The following MFHAS1 variants were observed in gnomAD, a reference collection of about 807,000 sequenced individuals.
The protein encoded by MFHAS1 is multifunctional ROCO family signaling regulator 1, also known as malignant fibrous histiocytoma-amplified sequence 1.
Under a neutral mutation model 70.4 loss-of-function variants are expected in MFHAS1, and 50 were observed. The ratio of observed to expected loss-of-function variants is 0.71; its 90% CI spans 0.57 to 0.90. MFHAS1 has a LOEUF of 0.90. Ranked by LOEUF, MFHAS1 falls within the 40% of genes least tolerant of loss-of-function variation. The pLI, the probability that MFHAS1 is intolerant of heterozygous loss-of-function variation, is 0.00. For missense variants in MFHAS1, 1,795 were observed against 1,347.6 expected (o/e 1.33, Z -5.20); for synonymous variants, 952 against 620.0 (o/e 1.54, Z -7.96).
chr8:8,850,743 T>A (rs1172267601), intron 1 of MFHAS1, among the ~76,000 whole-genome samples: 1 of 147,830 alleles, frequency 6.8e-6, no homozygotes, highest in Non-Finnish European at 1.5e-5. Flanking sequence ...GAGAATCGCT[T>A]GAATCCAGGA....
At chr8:8,833,320 T>A (rs1050688722) in intron 1 of MFHAS1, among the ~76,000 whole-genome samples, 14 of 152,154 alleles carry the variant, frequency 9.2e-5, no homozygotes, top group South Asian at 8.3e-4. Context: ...CTGGAAAAAT[T>A]TGGCAGCTTC....
At chr8:8,808,681 G>C (rs1003911358) in intron 1 of MFHAS1, among the ~76,000 whole-genome samples, 1 of 152,212 alleles carries the variant, frequency 6.6e-6, no homozygotes, top group African/African-American at 2.4e-5. Context: ...AAAAGGTATG[G>C]TTACAGCACC....
intron 1 of MFHAS1, among the ~76,000 whole-genome samples, chr8:8,809,293 C>T (rs1806456682): frequency 6.6e-6 from 1 of 152,060 alleles, no homozygotes; most frequent in South Asian, 2.1e-4. Context: ...ATCATGAAAC[C>T]ATCCCACCAA....
At chr8:8,883,707 C>CAAAAAAAAAAAAAA (rs35799658) in intron 1 of MFHAS1, among the ~76,000 whole-genome samples, 6 of 29,588 alleles carry the variant, frequency 2.0e-4, no homozygotes, top group African/African-American at 4.3e-4. Flanking sequence ...GACTCAGTCT[C>CAAAAAAAAAAAAAA]AAAAAAAAAA....
Position 8,784,135 on chromosome 8 carries a change from C to T in MFHAS1, c.*1887G>A, listed in dbSNP as rs1398588639. ...GGTCCCCGGGGAGTTAGCCCAAAATCATACAAATAAGCCTTTTTCTAAAGA... is the reference window on the plus strand; with the variant it reads ...GGTCCCCGGGGAGTTAGCCCAAAATTATACAAATAAGCCTTTTTCTAAAGA... On this transcript the variant is annotated 3_prime_UTR_variant, in exon 3 of 3. Transcript: ENST00000276282. 6.6e-6 allele frequency: 1 copy of T among 152,100 alleles called. No individual in the cohort carries two copies. The highest frequency in any genetic ancestry group is 6.5e-5 in the Admixed American group (1 of 15,272). The allele number at this position is 152,100 out of a possible 1,614,324, so 9.4% of individuals were successfully genotyped here. A position where few individuals can be genotyped will look rare whatever the true frequency, so the allele number is the denominator to read the frequency against.
chr8:8,803,687 G>A (rs1251901186), intron 1 of MFHAS1, among the ~76,000 whole-genome samples: 2 of 151,672 alleles, frequency 1.3e-5, no homozygotes, highest in Admixed American at 6.6e-5. Context: ...AAGTAAGGGA[G>A]GAGGCTGGGA....
At chr8:8,838,774 T>A (rs533594515) in intron 1 of MFHAS1, among the ~76,000 whole-genome samples, 31 of 148,058 alleles carry the variant, frequency 2.1e-4, no homozygotes, top group African/African-American at 7.2e-4. Flanking sequence ...ACTGCACCAC[T>A]GCACTCCAGA....
At chr8:8,810,434 C>T (rs1585027905) in intron 1 of MFHAS1, among the ~76,000 whole-genome samples, 1 of 152,182 alleles carries the variant, frequency 6.6e-6, no homozygotes, top group African/African-American at 2.4e-5. Flanking sequence ...CCATGCAGGT[C>T]CATTTACAGG....
chr8:8,783,433 A>G lies in MFHAS1; in HGVS notation c.*2589T>C, dbSNP rs1004768242. The G allele has an allele frequency of 2.6e-5, 4 of 152,220 alleles. No homozygotes were observed. The highest frequency in any genetic ancestry group is 9.6e-5 in the African/African-American group (4 of 41,468). The allele number at this position is 152,220 out of a possible 1,614,324, so 9.4% of individuals were successfully genotyped here. A position where few individuals can be genotyped will look rare whatever the true frequency, so the allele number is the denominator to read the frequency against. ...TACAACAACGAAATGGGAAACCACA[A>G]TTAAAATTCACAAACCATGGCATGA... On this transcript the variant is annotated 3_prime_UTR_variant, in exon 3 of 3. Transcript: ENST00000276282.
intron 2 of MFHAS1, among the ~76,000 whole-genome samples, chr8:8,788,754 C>T (rs1298917493): frequency 6.6e-6 from 1 of 152,228 alleles, no homozygotes; most frequent in Non-Finnish European, 1.5e-5. Flanking sequence ...TTACGGGAGG[C>T]TCCCCAGAGG....
chr8:8,785,850 C>A lies in MFHAS1; in HGVS notation c.*172G>T. On this transcript the variant is annotated 3_prime_UTR_variant, in exon 3 of 3. Coordinates refer to ENST00000276282, the MANE Select transcript of MFHAS1 (RefSeq NM_004225.3). ...TGTTCTCGTCCATGCTTCCCCCCAC[C>A]ACCCCCTCCCCACCTCTTCCCCAGT... is the stretch of plus-strand genomic sequence containing the variant. The A allele has an allele frequency of 2.2e-6, 1 of 455,730 alleles. No homozygotes were observed. The highest frequency in any genetic ancestry group is 1.9e-5 in the African/African-American group (1 of 51,374). The allele number at this position is 455,730 out of a possible 1,614,324, so 28.2% of individuals were successfully genotyped here.
At position 8,893,232 on chromosome 8, in the gene MFHAS1, C is replaced by T. The variant is rs556027176; in HGVS notation, c.-174G>A. 1,241 of 180,040 alleles carry T rather than the reference C, an allele frequency of 6.9e-3. 21 individuals carry two copies. The highest frequency in any genetic ancestry group is 0.028 in the African/African-American group (1,179 of 41,502). 11.2% of individuals were successfully genotyped at this position (180,040 alleles called of 1,614,324 possible). The stretch of plus-strand genomic sequence containing the variant: ...AGCGCTGGCGGCTAGGGGGCGGCGG[C>T]GACGCGAGCGGCTCCGGGGGACGCC... On this transcript the variant is annotated 5_prime_UTR_variant, in exon 1 of 3. Coordinates refer to ENST00000276282, the MANE Select transcript of MFHAS1 (RefSeq NM_004225.3).
intron 1 of MFHAS1, among the ~76,000 whole-genome samples, chr8:8,805,199 A>G (rs1381139449): frequency 1.3e-5 from 2 of 152,212 alleles, no homozygotes; most frequent in African/African-American, 2.4e-5. Context: ...ACCAGAATTT[A>G]GTCTCTTCCC....
At chr8:8,813,710 TA>T (rs1310274539) in intron 1 of MFHAS1, among the ~76,000 whole-genome samples, 1 of 152,182 alleles carries the variant, frequency 6.6e-6, no homozygotes, top group African/African-American at 2.4e-5. Context: ...GTTAAAATAT[TA>T]AAAGTTTATA....
intron 1 of MFHAS1, among the ~76,000 whole-genome samples, chr8:8,878,590 C>T (rs192382293): frequency 2.0e-4 from 31 of 151,630 alleles, no homozygotes; most frequent in Admixed American, 1.9e-3. Context: ...AGTCAAACAA[C>T]GGCACCCAGG....
intron 1 of MFHAS1, among the ~76,000 whole-genome samples, chr8:8,820,892 C>G (rs1043613372): frequency 6.6e-6 from 1 of 152,224 alleles, no homozygotes; most frequent in African/African-American, 2.4e-5. Flanking sequence ...ATGCTTTGAA[C>G]AAACCCACAT....
At chr8:8,787,234 CCA>C (rs1563173083) in intron 2 of MFHAS1, among the ~76,000 whole-genome samples, 2 of 152,096 alleles carry the variant, frequency 1.3e-5, no homozygotes, top group Non-Finnish European at 2.9e-5. Context: ...GTGCCCGCCA[CCA>C]CACGCGGCTA....
intron 1 of MFHAS1, among the ~76,000 whole-genome samples, chr8:8,864,915 G>A (rs1585059417): frequency 6.6e-6 from 1 of 152,072 alleles, no homozygotes; most frequent in Non-Finnish European, 1.5e-5. Context: ...TTTGGCTTTA[G>A]GTATGAACCA....
intron 1 of MFHAS1, among the ~76,000 whole-genome samples, chr8:8,809,158 C>A (rs1806451466): frequency 6.6e-6 from 1 of 152,118 alleles, no homozygotes; most frequent in African/African-American, 2.4e-5. Context: ...CAGCTAGTTG[C>A]AGGAAAACAA....
Sources: gnomAD v4.1 joint callset for allele counts (sites outside exome capture counted in the v4.1 genomes callset) on GRCh38, gnomAD v4.1.1 for gene constraint, MANE v1.5 for transcripts, NCBI Gene and HGNC (gene_info 2026-07-23, HGNC 2026-07-21) for gene names.